SGK1: variants seen among roughly 807,000 people sequenced by gnomAD.
The protein encoded by SGK1 is serine/threonine-protein kinase Sgk1.
SGK1 carries 26 observed loss-of-function variants against 64.2 expected under a neutral mutation model. The ratio of observed to expected loss-of-function variants is 0.40; its 90% CI spans 0.30 to 0.56. The LOEUF (loss-of-function observed/expected upper bound fraction) is 0.56. SGK1 is among the 20% of genes least tolerant of loss of function. SGK1 has a pLI of 0.38. For synonymous variants in SGK1, 265 were observed against 239.7 expected (o/e 1.11, Z -0.98); for missense variants, 519 against 645.6 (o/e 0.80, Z 2.12).
rs376597198 is a variant in SGK1 at position 134,173,014 on chromosome 6, C to T, written c.834+9G>A. The stretch of plus-strand genomic sequence containing the variant: ...ACACTAAGAGTTGACTTCTATCCCC[C>T]CTGCTCACCTCTCCACCATTAATGT... On this transcript the variant is annotated intron_variant, in intron 8 of 13. Transcript: ENST00000367858. 16 of 1,608,152 alleles carry T rather than the reference C, an allele frequency of 9.9e-6. No individual in the cohort carries two copies. In the Admixed American group the frequency reaches 1.9e-4, roughly 19 times the overall value.
intron 3 of SGK1, among the ~76,000 whole-genome samples, chr6:134,183,848 A>ACCCCCCCCC (rs1562243390): frequency 2.4e-4 from 19 of 80,132 alleles, no homozygotes; most frequent in Non-Finnish European, 4.1e-4. Context: ...ACCTGTCCCC[A>ACCCCCCCCC]CCCCACCCCC....
intron 2 of SGK1, among the ~76,000 whole-genome samples, chr6:134,213,615 A>AAAATAAATAAATAAAT (rs55961271): frequency 0.2 from 24,837 of 122,852 alleles, 3,117 homozygotes; most frequent in Non-Finnish European, 0.24. Context: ...ACTCTGTCTC[A>AAAATAAATAAATAAAT]AAATAAATAA....
At chr6:134,218,940 A>G (rs1334194879) in intron 2 of SGK1, among the ~76,000 whole-genome samples, 1 of 152,094 alleles carries the variant, frequency 6.6e-6, no homozygotes, top group Non-Finnish European at 1.5e-5. Flanking sequence ...TTTAGGTTAC[A>G]ATGGAACACA....
chr6:134,312,668 A>G (rs1582780631), intron 1 of SGK1, among the ~76,000 whole-genome samples: 1 of 152,336 alleles, frequency 6.6e-6, no homozygotes, highest in East Asian at 1.9e-4. Flanking sequence ...GTCACTAACT[A>G]GCTATGTGAC....
intron 2 of SGK1, chr6:134,215,047 T>C (rs1009065373): frequency 5.5e-5 from 25 of 455,856 alleles, no homozygotes; most frequent in African/African-American, 3.2e-4. Flanking sequence ...TGTATGAGAA[T>C]ATCACATTTA....
chr6:134,255,574 A>ATTTTTT (rs11318242), intron 2 of SGK1, among the ~76,000 whole-genome samples: 34 of 78,840 alleles, frequency 4.3e-4, no homozygotes, highest in Admixed American at 6.6e-4. Flanking sequence ...AGAGATTTTG[A>ATTTTTT]TTTTTTTTTT....
At chr6:134,254,503 G>C (rs923648273) in intron 2 of SGK1, among the ~76,000 whole-genome samples, 3 of 152,140 alleles carry the variant, frequency 2.0e-5, no homozygotes, top group African/African-American at 4.8e-5. Flanking sequence ...TACGAGTGAG[G>C]CTCCTGGTGA....
chr6:134,267,305 T>G (rs1776869330), intron 1 of SGK1, among the ~76,000 whole-genome samples: 1 of 151,808 alleles, frequency 6.6e-6, no homozygotes, highest in Non-Finnish European at 1.5e-5. Context: ...GTTTGGTTGG[T>G]TTTTTTTACA....
intron 1 of SGK1, chr6:134,297,300 TG>T: frequency 7.9e-7 from 1 of 1,260,432 alleles, no homozygotes; most frequent in Non-Finnish European, 1.1e-6. Context: ...CATCAGCTCC[TG>T]GTACACACGC....
At chr6:134,179,337 GT>G (rs1775296954) in intron 3 of SGK1, among the ~76,000 whole-genome samples, 1 of 151,972 alleles carries the variant, frequency 6.6e-6, no homozygotes, top group Admixed American at 6.6e-5. Context: ...TTGATTCATT[GT>G]TTGATGCTCA....
rs150824762 is a variant in SGK1 at position 134,314,659 on chromosome 6, C to T, written c.69+2733G>A. Among the ~76,000 whole-genome samples the T allele has an allele frequency of 3.3e-4, 50 of 152,298 alleles. No individual in the cohort carries two copies. The East Asian group carries it at 8.9e-3, about 27-fold the overall frequency. Reference sequence around the variant, plus strand: ...ATAAATAGTGACTGACAGACAGCTACAAGGGCAGATAACCTATATTCTCCT... The same window carrying T: ...ATAAATAGTGACTGACAGACAGCTATAAGGGCAGATAACCTATATTCTCCT... On this transcript the variant is annotated intron_variant, in intron 1 of 13. Coordinates refer to ENST00000367858, the MANE Select transcript of SGK1 (RefSeq NM_001143676.3).
intron 2 of SGK1, among the ~76,000 whole-genome samples, chr6:134,235,756 G>A (rs1466378956): frequency 6.6e-6 from 1 of 151,622 alleles, no homozygotes; most frequent in Non-Finnish European, 1.5e-5. Context: ...TGTATTTTTG[G>A]TAGAGAAGGG....
Position 134,171,116 on chromosome 6 carries a change from C to G in SGK1, c.1230G>C (p.Gln410His). Reference sequence around the variant, plus strand: ...CGGAATTTGTAATATTTGGTTTCAGCTGGAGAGGCTTGTTCAGAATGTTGT... The same window carrying G: ...CGGAATTTGTAATATTTGGTTTCAGGTGGAGAGGCTTGTTCAGAATGTTGT... ...MYDNILNKPL[Q>H]LKPNITNSAR... Residue 410 changes from glutamine (Q) to histidine (H), a missense_variant, in exon 12 of 14, where the codon CAG becomes CAC. Around this residue, in one of 2 missense-constraint regions of SGK1, gnomAD observed 278 missense variants for 408.7 expected, o/e 0.68. Coordinates refer to ENST00000367858, the MANE Select transcript of SGK1 (RefSeq NM_001143676.3). 1 of 1,614,108 alleles carries G rather than the reference C, an allele frequency of 6.2e-7. No homozygotes were observed. The highest frequency in any genetic ancestry group is 1.3e-5 in the African/African-American group (1 of 75,000).
intron 1 of SGK1, among the ~76,000 whole-genome samples, chr6:134,266,475 C>T (rs983110090): frequency 6.6e-6 from 1 of 151,894 alleles, no homozygotes; most frequent in African/African-American, 2.4e-5. Context: ...ATTAGCTGGG[C>T]GTGGTGGTGC....
intron 3 of SGK1, chr6:134,174,893 A>G (rs1775171620): frequency 6.3e-7 from 1 of 1,588,126 alleles, no homozygotes; most frequent in Non-Finnish European, 8.6e-7. Context: ...GGCCTTATAA[A>G]AAAGGCACCG....
chr6:134,253,811 T>C (rs950359766), intron 2 of SGK1, among the ~76,000 whole-genome samples: 2 of 152,164 alleles, frequency 1.3e-5, no homozygotes, highest in East Asian at 1.9e-4. Flanking sequence ...CCGTGGCTAA[T>C]AACTTCAAAT....
intron 13 of SGK1, 95 bp downstream of exon 13, chr6:134,170,731 C>A: frequency 1.2e-6 from 1 of 845,804 alleles, no homozygotes; most frequent in South Asian, 1.7e-5. Flanking sequence ...AAAACATCTG[C>A]CAATGTATTC....
Position 134,254,849 on chromosome 6 carries a change from G to A in SGK1, c.285+7084C>T, listed in dbSNP as rs549831511. Among the ~76,000 whole-genome samples, 6 of 152,228 alleles carry A rather than the reference G, an allele frequency of 3.9e-5. No individual in the cohort carries two copies. The East Asian group carries it at 1.2e-3, about 29-fold the overall frequency. On this transcript the variant is annotated intron_variant, in intron 2 of 13. Coordinates refer to ENST00000367858, the MANE Select transcript of SGK1 (RefSeq NM_001143676.3). Reference sequence around the variant, plus strand: ...TCTAGCATAATATACCATGGGATATGTCAATATATACAAATCTCATTTTTT... The same window carrying A: ...TCTAGCATAATATACCATGGGATATATCAATATATACAAATCTCATTTTTT...
At chr6:134,177,529 T>TTGCA in intron 3 of SGK1, 1 of 739,922 alleles carries the variant, frequency 1.4e-6, no homozygotes, top group East Asian at 2.5e-5. Context: ...TTTTGCATGT[T>TTGCA]TGTTTTCAAA....
Sources: allele counts gnomAD v4.1 joint callset (sites outside exome capture counted in the v4.1 genomes callset), GRCh38; gene constraint gnomAD v4.1.1; regional missense constraint gnomAD v4.1.1; transcripts MANE v1.5; gene names NCBI Gene and HGNC (gene_info 2026-07-23, HGNC 2026-07-21).